The following SPDYA variants were observed in gnomAD, a reference collection of about 807,000 sequenced individuals.
SPDYA encodes speedy protein A.
A neutral mutation model predicts 36.7 loss-of-function variants in SPDYA; 11 were observed. The ratio of observed to expected loss-of-function variants is 0.30; its 90% CI spans 0.19 to 0.50. SPDYA has a LOEUF of 0.50. Among genes scored for constraint, SPDYA ranks in the 20% least tolerant of loss-of-function variants. The pLI is 0.98. For synonymous variants in SPDYA, 115 were observed against 118.7 expected (o/e 0.97, Z 0.20); for missense variants, 287 against 370.9 (o/e 0.77, Z 1.86).
chr2:28,835,319 G>A (rs1318458053), intron 6 of SPDYA, among the ~76,000 whole-genome samples: 1 of 151,826 alleles, frequency 6.6e-6, no homozygotes, highest in African/African-American at 2.4e-5. Context: ...TCCACCTCCT[G>A]GGTTCAAGCG....
intron 1 of SPDYA, among the ~76,000 whole-genome samples, chr2:28,812,979 G>C (rs562240789): frequency 6.7e-6 from 1 of 148,698 alleles, no homozygotes; most frequent in South Asian, 2.1e-4. Context: ...TTTGGTTTTC[G>C]TTCCTTTCCT....
chr2:28,820,590 A>AAAT (rs1223439099), intron 4 of SPDYA, among the ~76,000 whole-genome samples: 1 of 152,184 alleles, frequency 6.6e-6, no homozygotes, highest in Non-Finnish European at 1.5e-5. Context: ...TGTCTCAAAA[A>AAAT]AATAATAATA....
At chr2:28,833,645 T>C (rs554917568) in intron 6 of SPDYA, among the ~76,000 whole-genome samples, 1 of 152,312 alleles carries the variant, frequency 6.6e-6, no homozygotes, top group East Asian at 1.9e-4. Context: ...CAAATGGTGC[T>C]ATGACAACTG....
chr2:28,823,490 G>A lies in SPDYA; in HGVS notation c.380+1080G>A, dbSNP rs1193406323. Among the ~76,000 whole-genome samples, 3 of 150,726 alleles carry A rather than the reference G, an allele frequency of 2.0e-5. No homozygotes were observed. In the Admixed American group the frequency reaches 2.0e-4, roughly 10 times the overall value. On this transcript the variant is annotated intron_variant, in intron 5 of 7. Coordinates refer to ENST00000334056, the MANE Select transcript of SPDYA (RefSeq NM_182756.4). ...AATACACAAGTTAGCTGGGCGTGGT[G>A]GTGGGCACCTATAATCCCAGCTACT...
chr2:28,819,846 AAAAATATATATATATATATATATAT>A (rs70956050), intron 4 of SPDYA, among the ~76,000 whole-genome samples: 153 of 26,818 alleles, frequency 5.7e-3, no homozygotes, highest in Non-Finnish European at 8.0e-3. Flanking sequence ...AAAAAAAAAA[AAAAATATATATATATATATATATAT>A]ATATATATAT....
intron 7 of SPDYA, among the ~76,000 whole-genome samples, chr2:28,844,015 C>A (rs1268342527): frequency 1.3e-5 from 2 of 152,112 alleles, no homozygotes; most frequent in Non-Finnish European, 2.9e-5. Flanking sequence ...TATAGGGAGG[C>A]ATGTAACATT....
chr2:28,850,472 T>TA lies in SPDYA; in HGVS notation c.*535dup. On this transcript the variant is annotated 3_prime_UTR_variant, in exon 8 of 8. Coordinates refer to ENST00000334056, the MANE Select transcript of SPDYA (RefSeq NM_182756.4). ...TTTTCTATTTTTTTCACAAAACTGT[T>TA]AAAATATGAGTTACTCTCTTTATTG... The TA allele has an allele frequency of 2.8e-6, 3 of 1,068,318 alleles. No homozygotes were observed. In the South Asian group the frequency reaches 4.5e-5, roughly 16 times the overall value. 66.2% of individuals were successfully genotyped at this position (1,068,318 alleles called of 1,614,324 possible). A position where few individuals can be genotyped will look rare whatever the true frequency, so the allele number is the denominator to read the frequency against.
chr2:28,821,995 G>A (rs1283954354), intron 4 of SPDYA, among the ~76,000 whole-genome samples: 1 of 152,160 alleles, frequency 6.6e-6, no homozygotes, highest in Non-Finnish European at 1.5e-5. Context: ...AAGTGAGGAT[G>A]CATGGCTGTT....
chr2:28,840,939 T>C, intron 7 of SPDYA: 1 of 271,944 alleles, frequency 3.7e-6, no homozygotes, highest in Non-Finnish European at 5.6e-6. Flanking sequence ...AGTTTTTTTT[T>C]TTTTTTTTTT....
chr2:28,827,003 G>C (rs1412244101), intron 5 of SPDYA, among the ~76,000 whole-genome samples: 1 of 142,606 alleles, frequency 7.0e-6, no homozygotes, highest in Non-Finnish European at 1.5e-5. Flanking sequence ...CCAAGCTGGA[G>C]TGCTCGGCTC....
chr2:28,821,170 A>G (rs1386760956), intron 4 of SPDYA, among the ~76,000 whole-genome samples: 2 of 146,156 alleles, frequency 1.4e-5, no homozygotes, highest in Non-Finnish European at 3.0e-5. Context: ...ATGTGGAGTT[A>G]TGATGTGATT....
At chr2:28,848,685 T>G (rs1486164868) in intron 7 of SPDYA, among the ~76,000 whole-genome samples, 1 of 152,348 alleles carries the variant, frequency 6.6e-6, no homozygotes, top group South Asian at 2.1e-4. Context: ...TTTTAAATAC[T>G]TCTAGCCTAA....
intron 5 of SPDYA, among the ~76,000 whole-genome samples, chr2:28,826,949 C>CTTTTTTTTT (rs1309143694): frequency 3.5e-5 from 4 of 113,818 alleles, no homozygotes; most frequent in Non-Finnish European, 5.4e-5. Flanking sequence ...TCTTTTCTTT[C>CTTTTTTTTT]TTTTTTTTTT....
intron 6 of SPDYA, 41 bp from the exon 7 acceptor site, chr2:28,840,131 G>T (rs779552259): frequency 6.5e-7 from 1 of 1,549,878 alleles, no homozygotes; most frequent in East Asian, 2.3e-5. Context: ...AGTAAATTTT[G>T]AAATATTACT....
chr2:28,833,581 G>A (rs1282252682), intron 6 of SPDYA, among the ~76,000 whole-genome samples: 2 of 152,130 alleles, frequency 1.3e-5, no homozygotes, highest in Non-Finnish European at 2.9e-5. Flanking sequence ...ATGTTCAATT[G>A]AATTTTGACA....
intron 7 of SPDYA, 173 bp from the exon 8 acceptor site, chr2:28,849,677 T>C: frequency 2.0e-6 from 1 of 512,620 alleles, no homozygotes; most frequent in African/African-American, 2.0e-5. Flanking sequence ...AAGAGCCTGT[T>C]ACATCTTTTG....
In SPDYA at chr2:28,850,589, A is replaced by C. The variant is rs1459279255; in HGVS notation, c.*648A>C. ...ACTATTTGTCAATGATTATGTAATA[A>C]ACATATGATTTTATAACCAAATGGA... On this transcript the variant is annotated 3_prime_UTR_variant, in exon 8 of 8. Transcript: ENST00000334056. 5.6e-6 allele frequency: 3 copies of C among 535,372 alleles called. No homozygotes were observed. Among genetic ancestry groups the C allele is most frequent in the Non-Finnish European group, 9.9e-6 (3 of 304,228 alleles). The allele number at this position is 535,372 out of a possible 1,614,324, so 33.2% of individuals were successfully genotyped here.
intron 6 of SPDYA, among the ~76,000 whole-genome samples, chr2:28,837,099 T>C (rs1010147549): frequency 2.2e-4 from 34 of 152,344 alleles, no homozygotes; most frequent in African/African-American, 7.7e-4. Flanking sequence ...AGATAAGTAG[T>C]GTGTTTTGAC....
At chr2:28,824,487 A>C (rs1225541194) in intron 5 of SPDYA, among the ~76,000 whole-genome samples, 5 of 100,700 alleles carry the variant, frequency 5.0e-5, no homozygotes, top group East Asian at 2.4e-3. Flanking sequence ...AGAAAAAAAA[A>C]AAAACAAAAA....
Sources: allele counts gnomAD v4.1 joint callset (sites outside exome capture counted in the v4.1 genomes callset), GRCh38; gene constraint gnomAD v4.1.1; transcripts MANE v1.5; gene names NCBI Gene and HGNC (gene_info 2026-07-23, HGNC 2026-07-21).